SMOX: variants seen among roughly 807,000 people sequenced by gnomAD.
SMOX encodes flavin containing amine oxidase.
Under a neutral mutation model 51.0 loss-of-function variants are expected in SMOX, and 22 were observed. The observed-to-expected ratio is 0.43, with a 90% confidence interval of 0.31 to 0.62. SMOX has a LOEUF of 0.62. Among genes scored for constraint, SMOX ranks in the 20% least tolerant of loss-of-function variants. SMOX has a pLI of 0.10. For missense variants in SMOX, 566 were observed against 777.7 expected (o/e 0.73, Z 3.24); for synonymous variants, 282 against 307.8 (o/e 0.92, Z 0.88).
chr20:4,174,532 G>C (rs1366626523), intron 1 of SMOX, among the ~76,000 whole-genome samples: 2 of 152,102 alleles, frequency 1.3e-5, no homozygotes. Context: ...TTGGCACCAG[G>C]TGGACCACAG....
At chr20:4,165,050 T>A (rs13042674) in intron 1 of SMOX, among the ~76,000 whole-genome samples, 1 of 77,912 alleles carries the variant, frequency 1.3e-5, no homozygotes, top group African/African-American at 4.1e-5. Context: ...AGCTAAGTTG[T>A]TTTTTTTTTT....
rs1165081966 is a variant in SMOX, at chr20:4,181,793, T to C, written c.436-10T>C. 6.2e-7 allele frequency: 1 copy of C among 1,612,960 alleles called. No individual in the cohort carries two copies. Among genetic ancestry groups the C allele is most frequent in the Non-Finnish European group, 8.5e-7 (1 of 1,179,486 alleles). On this transcript the variant is annotated splice_polypyrimidine_tract_variant and intron_variant, in intron 3 of 6. Transcript: ENST00000305958. The surrounding 1 kb of genome is among the most constrained non-coding windows in gnomAD (Gnocchi z 5.6). ...GAGGTGTTTTCAGTCTCATGGGGTCTCTCTGGCAGGTCTATAACTTGACCC... is the reference window on the plus strand; with the variant it reads ...GAGGTGTTTTCAGTCTCATGGGGTCCCTCTGGCAGGTCTATAACTTGACCC...
chr20:4,187,459 C>T lies in SMOX; in HGVS notation c.*52C>T. 1 of 1,592,236 alleles carries T rather than the reference C, an allele frequency of 6.3e-7. No individual in the cohort carries two copies. Among genetic ancestry groups the T allele is most frequent in the Non-Finnish European group, 8.6e-7 (1 of 1,166,860 alleles). ...CACTAACTCGTGACCTCCAGCCTGC[C>T]CCTTGCTGCCGTGTGCTCCTGCCTT... On this transcript the variant is annotated 3_prime_UTR_variant, in exon 7 of 7. Transcript: ENST00000305958. The surrounding 1 kb of genome is among the most constrained non-coding windows in gnomAD (Gnocchi z 4.8).
chr20:4,176,011 C>T (rs893085300), intron 2 of SMOX: 2 of 145,688 alleles, frequency 1.4e-5, no homozygotes, highest in Non-Finnish European at 3.0e-5. Context: ...CATTGATCCT[C>T]TAGAGGAGTT....
Position 4,168,800 on chromosome 20 carries a change from G to A in SMOX, c.-26-6230G>A, listed in dbSNP as rs865915172. ...TTGAGCTCCTGGCCTCAAGTGATCCGCCCGCCTCGGCCTCCCCAAGTGCTG... is the reference window on the plus strand; with the variant it reads ...TTGAGCTCCTGGCCTCAAGTGATCCACCCGCCTCGGCCTCCCCAAGTGCTG... On this transcript the variant is annotated intron_variant, in intron 1 of 6. Coordinates refer to ENST00000305958, the MANE Select transcript of SMOX (RefSeq NM_175839.3). Among the ~76,000 whole-genome samples the A allele has an allele frequency of 5.3e-5, 8 of 151,812 alleles. No individual in the cohort carries two copies. The South Asian group carries it at 1.7e-3, about 32-fold the overall frequency.
In SMOX at chr20:4,181,792, C is replaced by G; in HGVS notation, c.436-11C>G. Reference sequence around the variant, plus strand: ...TGAGGTGTTTTCAGTCTCATGGGGTCTCTCTGGCAGGTCTATAACTTGACC... The same window carrying G: ...TGAGGTGTTTTCAGTCTCATGGGGTGTCTCTGGCAGGTCTATAACTTGACC... On this transcript the variant is annotated splice_polypyrimidine_tract_variant and intron_variant, in intron 3 of 6. Transcript: ENST00000305958. The surrounding 1 kb of genome is among the most constrained non-coding windows in gnomAD (Gnocchi z 5.6). 1 of 1,612,762 alleles carries G rather than the reference C, an allele frequency of 6.2e-7. No individual in the cohort carries two copies. Among genetic ancestry groups the G allele is most frequent in the South Asian group, 1.1e-5 (1 of 90,878 alleles).
At chr20:4,171,299 A>G (rs1291689108) in intron 1 of SMOX, among the ~76,000 whole-genome samples, 2 of 152,194 alleles carry the variant, frequency 1.3e-5, no homozygotes, top group Non-Finnish European at 2.9e-5. Flanking sequence ...AACAAAACCC[A>G]GAAGGGAAAG....
At chr20:4,175,437 G>A (rs1228758506) in intron 2 of SMOX, among the ~76,000 whole-genome samples, 174 bp downstream of exon 2, 2 of 152,172 alleles carry the variant, frequency 1.3e-5, no homozygotes, top group Non-Finnish European at 2.9e-5. Context: ...CCTCTGAGGC[G>A]GGCATGGTAG....
chr20:4,159,323 G>A (rs1251685851), intron 1 of SMOX, among the ~76,000 whole-genome samples: 1 of 152,166 alleles, frequency 6.6e-6, no homozygotes, highest in Non-Finnish European at 1.5e-5. Context: ...TGTTGGCCAG[G>A]CTGGTCTCAA....
chr20:4,184,168 T>A (rs1458717235), intron 6 of SMOX, among the ~76,000 whole-genome samples: 1 of 151,510 alleles, frequency 6.6e-6, no homozygotes, highest in Non-Finnish European at 1.5e-5. Context: ...GTACTTTTTT[T>A]TTTTTTTTGG....
Position 4,167,257 on chromosome 20 carries a change from C to T in SMOX, c.-26-7773C>T, listed in dbSNP as rs898806629. ...GTCCAGCCTGATAGTAGGGTTGGGG[C>T]CAAGGTGAAGGCTGGGTTCTGAGCT... On this transcript the variant is annotated intron_variant, in intron 1 of 6. Transcript: ENST00000305958. The surrounding 1 kb of genome is among the most constrained non-coding windows in gnomAD (Gnocchi z 4.8). Among the ~76,000 whole-genome samples the T allele has an allele frequency of 3.9e-5, 6 of 152,162 alleles. No homozygotes were observed. Among genetic ancestry groups the T allele is most frequent in the African/African-American group, 1.4e-4 (6 of 41,508 alleles).
intron 1 of SMOX, among the ~76,000 whole-genome samples, chr20:4,155,545 C>T (rs1985981167): frequency 1.3e-5 from 2 of 152,158 alleles, no homozygotes; most frequent in Non-Finnish European, 2.9e-5. Context: ...GGGGGGTTAT[C>T]ACACGGTTTG....
rs1004240072 is a variant in SMOX at position 4,177,856 on chromosome 20, A to C, written c.435+279A>C. 8.5e-5 allele frequency among the ~76,000 whole-genome samples: 13 copies of C among 152,340 alleles called. No homozygotes were observed. The highest frequency in any genetic ancestry group is 7.2e-4 in the Admixed American group (11 of 15,298). ...AATTTATGTATATAACTCTACACAA[A>C]AAATGAGAATTTTGTCTTTTTTTCC... On this transcript the variant is annotated intron_variant, in intron 3 of 6. Transcript: ENST00000305958. The surrounding 1 kb of genome is among the most constrained non-coding windows in gnomAD (Gnocchi z 4.3).
At chr20:4,164,272 C>T (rs1041109720) in intron 1 of SMOX, among the ~76,000 whole-genome samples, 7 of 152,130 alleles carry the variant, frequency 4.6e-5, no homozygotes, top group Non-Finnish European at 7.4e-5. Flanking sequence ...GCCTGTCACC[C>T]GGCCCGATCT....
intron 1 of SMOX, chr20:4,171,731 G>C (rs1978404615): frequency 6.6e-6 from 1 of 152,264 alleles, no homozygotes; most frequent in Non-Finnish European, 1.5e-5. Context: ...GATCTTGGAG[G>C]CAGAGTGGCT....
At chr20:4,169,593 G>A (rs1409069863) in intron 1 of SMOX, among the ~76,000 whole-genome samples, 1 of 152,224 alleles carries the variant, frequency 6.6e-6, no homozygotes, top group African/African-American at 2.4e-5. Flanking sequence ...CCCTGTGGCT[G>A]TGGGGCTTCA....
chr20:4,153,434 G>A lies in SMOX; in HGVS notation c.-27+4457G>A, dbSNP rs761660665. On this transcript the variant is annotated intron_variant, in intron 1 of 6. Coordinates refer to ENST00000305958, the MANE Select transcript of SMOX (RefSeq NM_175839.3). This position sits in a 1 kb window ranked among gnomAD's most constrained non-coding sequence, Gnocchi z 4.4. ...CCCTGGGATGCCAGGCTGAGGAACT[G>A]GGCCAGGAAGGAGGGAGGAGGGTGT... Among the ~76,000 whole-genome samples the A allele has an allele frequency of 3.9e-5, 6 of 152,152 alleles. No homozygotes were observed. Among genetic ancestry groups the A allele is most frequent in the African/African-American group, 7.2e-5 (3 of 41,434 alleles).
intron 1 of SMOX, among the ~76,000 whole-genome samples, chr20:4,150,542 A>G (rs1985687681): frequency 6.6e-6 from 1 of 152,162 alleles, no homozygotes; most frequent in South Asian, 2.1e-4. Flanking sequence ...CTTTGTCCGT[A>G]GCCGCTTCTC....
In SMOX at chr20:4,181,662, C is replaced by G; in HGVS notation, c.436-141C>G. ...GCTTTTGGTGCAGCATTGAGTGCAA[C>G]ATCGGATCCCTAAGGGACAGAGACC... On this transcript the variant is annotated intron_variant, in intron 3 of 6. Transcript: ENST00000305958. The surrounding 1 kb of genome is among the most constrained non-coding windows in gnomAD (Gnocchi z 5.6). The G allele has an allele frequency of 9.8e-7, 1 of 1,023,920 alleles. No individual in the cohort carries two copies. Among genetic ancestry groups the G allele is most frequent in the Non-Finnish European group, 1.4e-6 (1 of 706,148 alleles). 63.4% of individuals were successfully genotyped at this position (1,023,920 alleles called of 1,614,324 possible). A position where few individuals can be genotyped will look rare whatever the true frequency, so the allele number is the denominator to read the frequency against.
Sources: allele counts gnomAD v4.1 joint callset (sites outside exome capture counted in the v4.1 genomes callset), GRCh38; gene constraint gnomAD v4.1.1; non-coding constraint Gnocchi (gnomAD v3.1); transcripts MANE v1.5; gene names NCBI Gene and HGNC (gene_info 2026-07-23, HGNC 2026-07-21).